Variants in CACNA1C observed in about 807,000 individuals in gnomAD.
CACNA1C encodes calcium voltage-gated channel subunit alpha1 C.
Under a neutral mutation model 229.0 loss-of-function variants are expected in CACNA1C, and 30 were observed. That is an observed-to-expected ratio of 0.13 (90% CI 0.10 to 0.18). CACNA1C has a LOEUF of 0.18. CACNA1C is among the 10% of genes least tolerant of loss of function. The pLI, the probability that CACNA1C is intolerant of heterozygous loss-of-function variation, is 1.00. For missense variants in CACNA1C, 1,658 were observed against 2,845.0 expected (o/e 0.58, Z 9.49); for synonymous variants, 1,114 against 1,132.5 (o/e 0.98, Z 0.33).
Position 2,194,333 on chromosome 12 carries a change from T to G in CACNA1C, c.477+73903T>G, listed in dbSNP as rs540146492. 1.0e-3 allele frequency among the ~76,000 whole-genome samples: 152 copies of G among 150,080 alleles called. 1 individual carries two copies. The highest frequency in any genetic ancestry group is 3.5e-3 in the African/African-American group (141 of 40,800). ...CTGCCTCCTCCCGTTCCTCCTCCTCTGTGCTCTTCCTCCCTCTCCTCCTCC... is the reference window on the plus strand; with the variant it reads ...CTGCCTCCTCCCGTTCCTCCTCCTCGGTGCTCTTCCTCCCTCTCCTCCTCC... On this transcript the variant is annotated intron_variant, in intron 3 of 46. Transcript: ENST00000399655.
At position 2,319,426 on chromosome 12, in the gene CACNA1C, A is replaced by G. The variant is rs2095858875; in HGVS notation, c.478-129550A>G. On this transcript the variant is annotated intron_variant, in intron 3 of 46. Coordinates refer to ENST00000399655, the MANE Select transcript of CACNA1C (RefSeq NM_000719.7). The surrounding 1 kb of genome is among the most constrained non-coding windows in gnomAD (Gnocchi z 4.0). ...TACATGATGGCCAGTGTACACGATG[A>G]GCAGCCACCATGCATCAGGAGGAAG... Among the ~76,000 whole-genome samples the G allele has an allele frequency of 6.6e-6, 1 of 152,074 alleles. No individual in the cohort carries two copies. Among genetic ancestry groups the G allele is most frequent in the South Asian group, 2.1e-4 (1 of 4,824 alleles).
chr12:2,519,901 A>G (rs2099806243), intron 9 of CACNA1C, among the ~76,000 whole-genome samples: 1 of 152,212 alleles, frequency 6.6e-6, no homozygotes, highest in Admixed American at 6.5e-5. Flanking sequence ...CTGGCCCCGT[A>G]AGTGTACAAA....
chr12:2,687,538 C>CTT (rs35920419), intron 45 of CACNA1C, among the ~76,000 whole-genome samples: 42 of 138,186 alleles, frequency 3.0e-4, no homozygotes, highest in African/African-American at 7.2e-4. Flanking sequence ...TACCGTGTGA[C>CTT]TTTTTTTTTT....
chr12:2,656,942 AC>A (rs113289627), intron 34 of CACNA1C, among the ~76,000 whole-genome samples: 4,097 of 152,354 alleles, frequency 0.027, 202 homozygotes, highest in African/African-American at 0.094. Context: ...GTAATAGAAG[AC>A]AATGGAATAA....
chr12:2,428,054 C>T (rs1415188686), intron 3 of CACNA1C, among the ~76,000 whole-genome samples: 1 of 152,246 alleles, frequency 6.6e-6, no homozygotes, highest in Non-Finnish European at 1.5e-5. Flanking sequence ...AAAGGAAAGA[C>T]TGTCTCTTAT....
chr12:2,344,486 C>T (rs2096951933), intron 3 of CACNA1C, among the ~76,000 whole-genome samples: 1 of 152,098 alleles, frequency 6.6e-6, no homozygotes, highest in South Asian at 2.1e-4. Context: ...CATTACAAAT[C>T]CACAGACCAA....
At chr12:2,230,424 T>C (rs765288734) in intron 3 of CACNA1C, among the ~76,000 whole-genome samples, 2 of 152,210 alleles carry the variant, frequency 1.3e-5, no homozygotes, top group South Asian at 4.1e-4. Context: ...CAGTCAGCCC[T>C]CTGCCGGCGA....
intron 1 of CACNA1C, among the ~76,000 whole-genome samples, chr12:1,979,947 C>T (rs1565809943): frequency 1.3e-5 from 2 of 151,912 alleles, no homozygotes; most frequent in Admixed American, 1.3e-4. Flanking sequence ...TCAGAATTCC[C>T]AGAAAATTAA....
intron 3 of CACNA1C, among the ~76,000 whole-genome samples, chr12:2,158,853 A>G (rs1032692154): frequency 6.6e-6 from 1 of 152,200 alleles, no homozygotes; most frequent in Non-Finnish European, 1.5e-5. Flanking sequence ...GATCCCGGAA[A>G]TGGGGGCCAA....
rs1188477095 is a variant in CACNA1C, at chr12:2,691,118, G to C, written c.6336G>C (p.Glu2112Asp). The C allele has an allele frequency of 1.9e-6, 3 of 1,610,506 alleles. No homozygotes were observed. The highest frequency in any genetic ancestry group is 2.5e-6 in the Non-Finnish European group (3 of 1,177,594). ...DAGQDRAGGE[E>D]DAGCVRARGR... ...GGCAGGACCGAGCCGGGGGCGAAGA[G>C]GACGCGGGCTGTGTGCGCGCGCGGG... Residue 2112 changes from glutamate to aspartate, a missense_variant, in exon 47 of 47, where the codon GAG becomes GAC. Glu to Asp is a conservative substitution (Grantham distance 45). This residue lies in a region of CACNA1C where 590 missense variants were observed against 700.8 expected (regional missense o/e 0.84). Coordinates refer to ENST00000399655, the MANE Select transcript of CACNA1C (RefSeq NM_000719.7).
chr12:2,517,028 T>C (rs1326439797), intron 9 of CACNA1C, among the ~76,000 whole-genome samples: 1 of 152,176 alleles, frequency 6.6e-6, no homozygotes, highest in Admixed American at 6.5e-5. Context: ...CCTAAAGGCA[T>C]GGCCAGAGAG....
In CACNA1C at chr12:2,479,164, G is replaced by A. The variant is rs778651843; in HGVS notation, c.758-6940G>A. ...GCTCGGTGGGCACAGTAAGGACAGT[G>A]CCCTTCACTTGAACACCTGTTTTTT... is the stretch of plus-strand genomic sequence containing the variant. On this transcript the variant is annotated intron_variant, in intron 5 of 46. Transcript: ENST00000399655. This position sits in a 1 kb window ranked among gnomAD's most constrained non-coding sequence, Gnocchi z 4.3. Among the ~76,000 whole-genome samples, 13 of 152,004 alleles carry A rather than the reference G, an allele frequency of 8.6e-5. No individual in the cohort carries two copies. Among genetic ancestry groups the A allele is most frequent in the Non-Finnish European group, 1.5e-4 (10 of 67,934 alleles).
chr12:2,355,237 C>T lies in CACNA1C; in HGVS notation c.478-93739C>T, dbSNP rs557776012. Among the ~76,000 whole-genome samples, 10 of 152,256 alleles carry T rather than the reference C, an allele frequency of 6.6e-5. No homozygotes were observed. In the East Asian group the frequency reaches 1.3e-3, roughly 21 times the overall value. On this transcript the variant is annotated intron_variant, in intron 3 of 46. Coordinates refer to ENST00000399655, the MANE Select transcript of CACNA1C (RefSeq NM_000719.7). ...TTAAACTTTGGGATCTGCCCTCCTC[C>T]GGAGGGGGAGAAGCTGGCTGATGTT...
chr12:2,024,834 C>A (rs1192065690), intron 1 of CACNA1C, among the ~76,000 whole-genome samples: 1 of 152,184 alleles, frequency 6.6e-6, no homozygotes, highest in Non-Finnish European at 1.5e-5. Context: ...AAGACCAAAG[C>A]AGGCTGTGGC....
chr12:2,438,340 A>AATG (rs1228230100), intron 3 of CACNA1C, among the ~76,000 whole-genome samples: 5 of 37,964 alleles, frequency 1.3e-4, no homozygotes, highest in African/African-American at 5.4e-4. Context: ...TGGTGATGAT[A>AATG]ATGATGATGG....
rs1358353692 is a variant in CACNA1C, at chr12:2,275,337, C to T, written c.477+154907C>T. 6.6e-6 allele frequency among the ~76,000 whole-genome samples: 1 copy of T among 152,108 alleles called. No homozygotes were observed. Among genetic ancestry groups the T allele is most frequent in the African/African-American group, 2.4e-5 (1 of 41,408 alleles). On this transcript the variant is annotated intron_variant, in intron 3 of 46. Transcript: ENST00000399655. The surrounding 1 kb of genome is among the most constrained non-coding windows in gnomAD (Gnocchi z 4.1). ...ATGTGTCTCTGCCTGTCTGTGGACC[C>T]CGACTCCTCACCATCACCCAACAGG...
chr12:2,663,943 T>C (rs1007447308), intron 34 of CACNA1C, among the ~76,000 whole-genome samples: 43 of 151,184 alleles, frequency 2.8e-4, no homozygotes, highest in Admixed American at 5.9e-4. Context: ...GGCTTCACCA[T>C]GTTAGCCAGG....
intron 11 of CACNA1C, among the ~76,000 whole-genome samples, chr12:2,562,225 C>T (rs2047882036): frequency 6.6e-6 from 1 of 152,258 alleles, no homozygotes; most frequent in Admixed American, 6.5e-5. Flanking sequence ...GACCACACAG[C>T]ACCCATATCC....
chr12:2,666,562 G>A lies in CACNA1C; in HGVS notation c.4527-124G>A. ...ACTCTGTACTGAGTGTGACTAATAG[G>A]GCTACCACACTGTGCAGTGTTGCCC... On this transcript the variant is annotated intron_variant, in intron 36 of 46. Transcript: ENST00000399655. The surrounding 1 kb of genome is among the most constrained non-coding windows in gnomAD (Gnocchi z 5.3). 1.6e-6 allele frequency: 1 copy of A among 613,696 alleles called. No homozygotes were observed. Among genetic ancestry groups the A allele is most frequent in the Non-Finnish European group, 3.0e-6 (1 of 338,060 alleles). The allele number at this position is 613,696 out of a possible 1,614,324, so 38.0% of individuals were successfully genotyped here.
Sources: allele counts gnomAD v4.1 joint callset (sites outside exome capture counted in the v4.1 genomes callset), GRCh38; gene constraint gnomAD v4.1.1; regional missense constraint gnomAD v4.1.1; non-coding constraint Gnocchi (gnomAD v3.1); transcripts MANE v1.5; gene names NCBI Gene and HGNC (gene_info 2026-07-23, HGNC 2026-07-21).